PTPRN2: variants seen among roughly 807,000 people sequenced by gnomAD.
PTPRN2 encodes protein tyrosine phosphatase receptor type N2, also known as receptor-type tyrosine-protein phosphatase N2.
A neutral mutation model predicts 118.8 loss-of-function variants in PTPRN2; 74 were observed. The ratio of observed to expected loss-of-function variants is 0.62; its 90% CI spans 0.52 to 0.76. PTPRN2 has a LOEUF of 0.76. Ranked by LOEUF, PTPRN2 falls within the 30% of genes least tolerant of loss-of-function variation. The pLI, the probability that PTPRN2 is intolerant of heterozygous loss-of-function variation, is 0.00. For synonymous variants in PTPRN2, 641 were observed against 608.0 expected (o/e 1.05, Z -0.80); for missense variants, 1,481 against 1,394.4 (o/e 1.06, Z -0.99).
intron 17 of PTPRN2, among the ~76,000 whole-genome samples, chr7:157,582,533 C>G (rs555822287): frequency 3.3e-4 from 50 of 152,160 alleles, no homozygotes; most frequent in African/African-American, 1.1e-3. Flanking sequence ...AGAGACGGAA[C>G]CTTACACACT....
intron 2 of PTPRN2, among the ~76,000 whole-genome samples, chr7:158,386,940 C>T (rs1030425534): frequency 6.6e-6 from 1 of 152,172 alleles, no homozygotes; most frequent in Non-Finnish European, 1.5e-5. Flanking sequence ...GAACACGACT[C>T]CACACGGCCC....
intron 12 of PTPRN2, among the ~76,000 whole-genome samples, chr7:157,778,576 G>A (rs1428656738): frequency 3.3e-5 from 5 of 152,074 alleles, no homozygotes; most frequent in African/African-American, 7.2e-5. Flanking sequence ...GTGCATTCAG[G>A]TGTTGAATGT....
chr7:158,401,248 G>A (rs1812925608), intron 2 of PTPRN2, among the ~76,000 whole-genome samples: 1 of 152,228 alleles, frequency 6.6e-6, no homozygotes, highest in Admixed American at 6.5e-5. Context: ...AAGGCTGTGT[G>A]TATGGAGGCT....
At chr7:158,396,284 G>A (rs1460325622) in intron 2 of PTPRN2, among the ~76,000 whole-genome samples, 3 of 152,222 alleles carry the variant, frequency 2.0e-5, no homozygotes, top group African/African-American at 7.2e-5. Flanking sequence ...CAATAAAAGT[G>A]TAGTGCTGGG....
At chr7:158,360,797 C>T (rs1366564258) in intron 2 of PTPRN2, among the ~76,000 whole-genome samples, 2 of 33,250 alleles carry the variant, frequency 6.0e-5, no homozygotes, top group Admixed American at 7.8e-4. Context: ...CCCAGGACGA[C>T]GCACAGACCC....
intron 12 of PTPRN2, among the ~76,000 whole-genome samples, chr7:157,757,076 T>C (rs1453615974): frequency 6.6e-6 from 1 of 152,176 alleles, no homozygotes; most frequent in Non-Finnish European, 1.5e-5. Flanking sequence ...GACTATGGTA[T>C]GCTATGCGGC....
chr7:158,584,404 C>T (rs142165410), intron 1 of PTPRN2, among the ~76,000 whole-genome samples: 6 of 152,222 alleles, frequency 3.9e-5, no homozygotes, highest in African/African-American at 1.2e-4. Context: ...AAAGGCGGGC[C>T]GGTCGGGAGG....
intron 12 of PTPRN2, among the ~76,000 whole-genome samples, chr7:157,702,259 A>T (rs1798116325): frequency 6.8e-6 from 1 of 147,590 alleles, no homozygotes; most frequent in African/African-American, 2.5e-5. Flanking sequence ...GGTGTAACTG[A>T]CGTGGGCTGT....
chr7:158,077,491 G>T (rs191531015), intron 11 of PTPRN2, among the ~76,000 whole-genome samples: 36 of 146,398 alleles, frequency 2.5e-4, no homozygotes, highest in Non-Finnish European at 4.3e-4. Flanking sequence ...GGGGGAAACT[G>T]CTCAGGACAG....
intron 1 of PTPRN2, among the ~76,000 whole-genome samples, chr7:158,508,250 G>A (rs983901135): frequency 9.2e-5 from 14 of 152,242 alleles, no homozygotes; most frequent in Non-Finnish European, 1.9e-4. Flanking sequence ...GGGGGCAGGA[G>A]ATGACACTGT....
chr7:158,275,121 C>T (rs1265907350), intron 3 of PTPRN2, among the ~76,000 whole-genome samples: 1 of 152,158 alleles, frequency 6.6e-6, no homozygotes, highest in African/African-American at 2.4e-5. Context: ...GCAGCAGTGC[C>T]GAGGAGCCCC....
chr7:158,316,670 G>A, intron 3 of PTPRN2, 149 bp downstream of exon 3: 1 of 609,626 alleles, frequency 1.6e-6, no homozygotes, highest in Middle Eastern at 4.4e-4. Flanking sequence ...AAGCACCCAT[G>A]AGCCCAGCGC....
chr7:158,129,186 ACACACTACACACCACAAACAGATAAGC>A (rs1817952008), intron 9 of PTPRN2, among the ~76,000 whole-genome samples: 1 of 150,388 alleles, frequency 6.6e-6, no homozygotes, highest in Non-Finnish European at 1.5e-5. Flanking sequence ...ATACCACGCC[ACACACTACACACCACAAACAGATAAGC>A]CACACAGCAC....
chr7:157,992,301 C>T (rs1469419848), intron 11 of PTPRN2, among the ~76,000 whole-genome samples: 1 of 152,242 alleles, frequency 6.6e-6, no homozygotes, highest in Non-Finnish European at 1.5e-5. Flanking sequence ...GACACGTTCT[C>T]TGGAAAGAGG....
intron 11 of PTPRN2, among the ~76,000 whole-genome samples, chr7:158,001,217 G>A (rs1206920361): frequency 6.6e-6 from 1 of 151,078 alleles, no homozygotes; most frequent in African/African-American, 2.4e-5. Flanking sequence ...CGGGGTGAAG[G>A]GTGGGGGCTG....
At chr7:157,879,414 C>T (rs77768138) in intron 12 of PTPRN2, among the ~76,000 whole-genome samples, 8 of 152,110 alleles carry the variant, frequency 5.3e-5, no homozygotes, top group Admixed American at 1.3e-4. Flanking sequence ...CACACGTGCA[C>T]GCACACACAC....
intron 10 of PTPRN2, among the ~76,000 whole-genome samples, chr7:158,087,605 A>T (rs1813536591): frequency 6.6e-6 from 1 of 152,136 alleles, no homozygotes; most frequent in Non-Finnish European, 1.5e-5. Flanking sequence ...GGGAGTCTTC[A>T]CACAAACCTT....
chr7:158,181,643 A>T (rs1215281441), intron 5 of PTPRN2, among the ~76,000 whole-genome samples: 1 of 151,996 alleles, frequency 6.6e-6, no homozygotes, highest in Non-Finnish European at 1.5e-5. Context: ...CAGGGTTTTT[A>T]TTCCTTCCTA....
intron 3 of PTPRN2, among the ~76,000 whole-genome samples, chr7:158,272,193 G>C (rs1353036680): frequency 6.6e-6 from 1 of 152,136 alleles, no homozygotes; most frequent in Non-Finnish European, 1.5e-5. Flanking sequence ...CCCATCTCAA[G>C]CCAAGTGGAA....
Sources: gnomAD v4.1 joint callset for allele counts (sites outside exome capture counted in the v4.1 genomes callset) on GRCh38, gnomAD v4.1.1 for gene constraint, MANE v1.5 for transcripts, NCBI Gene and HGNC (gene_info 2026-07-23, HGNC 2026-07-21) for gene names.